Variants in MATN2 observed in about 807,000 individuals in gnomAD.
MATN2 encodes matrilin-2.
Under a neutral mutation model 103.2 loss-of-function variants are expected in MATN2, and 69 were observed. The ratio of observed to expected loss-of-function variants is 0.67; its 90% confidence interval spans 0.55 to 0.82. The LOEUF (loss-of-function observed/expected upper bound fraction) is 0.82. Among genes scored for constraint, MATN2 ranks in the 40% least tolerant of loss-of-function variants. The pLI is 0.00. For missense variants in MATN2, 1,023 were observed against 1,211.5 expected, an observed-to-expected ratio of 0.84 and a Z score of 2.31; for synonymous variants, 429 against 450.2, an observed-to-expected ratio of 0.95 and a Z score of 0.60.
intron 5 of MATN2, among the ~76,000 whole-genome samples, chr8:97,964,116 G>A (rs1222250829): frequency 6.6e-6 from 1 of 152,198 alleles, no homozygotes; most frequent in Non-Finnish European, 1.5e-5. Flanking sequence ...TGCTCTTCAA[G>A]CATTAGGGCT....
chr8:98,011,992 G>A (rs1407374607), intron 10 of MATN2, among the ~76,000 whole-genome samples: 1 of 152,204 alleles, frequency 6.6e-6, no homozygotes, highest in Admixed American at 6.5e-5. Flanking sequence ...ATAGGCCTGG[G>A]TCCTTATGTG....
At chr8:97,877,893 A>G (rs1231208514) in intron 1 of MATN2, among the ~76,000 whole-genome samples, 1 of 152,198 alleles carries the variant, frequency 6.6e-6, no homozygotes, top group Non-Finnish European at 1.5e-5. Flanking sequence ...TATGTGGGGT[A>G]AGGCCCCATG....
chr8:98,036,523 C>T lies in MATN2; in HGVS notation c.*811C>T, dbSNP rs1814254737. ...ACCCTGTAAATCTAGCAACTGCACT[C>T]AGTTGATTTCAGCCCATACATACAA... On this transcript the variant is annotated 3_prime_UTR_variant, in exon 19 of 19. Coordinates refer to ENST00000254898, the MANE Select transcript of MATN2 (RefSeq NM_002380.5). 6.6e-6 allele frequency: 1 copy of T among 152,206 alleles called. No homozygotes were observed. Among genetic ancestry groups the T allele is most frequent in the Admixed American group, 6.5e-5 (1 of 15,284 alleles). 9.4% of individuals were successfully genotyped at this position (152,206 alleles called of 1,614,324 possible). A position where few individuals can be genotyped will look rare whatever the true frequency, so the allele number is the denominator to read the frequency against.
chr8:97,984,343 G>A (rs966737441), intron 6 of MATN2, among the ~76,000 whole-genome samples: 12 of 152,112 alleles, frequency 7.9e-5, no homozygotes, highest in Admixed American at 1.3e-4. Context: ...GGCTACTTGC[G>A]TTCTTTGTGG....
chr8:97,959,977 T>A (rs1253017241), intron 4 of MATN2, among the ~76,000 whole-genome samples: 1 of 152,186 alleles, frequency 6.6e-6, no homozygotes, highest in Admixed American at 6.5e-5. Context: ...TTTGAGACAG[T>A]CTTGTTCTGT....
intron 2 of MATN2, among the ~76,000 whole-genome samples, chr8:97,928,765 A>G (rs1810079549): frequency 6.6e-6 from 1 of 152,162 alleles, no homozygotes; most frequent in African/African-American, 2.4e-5. Context: ...CAAGTGCTGG[A>G]TCCTTCATTA....
intron 6 of MATN2, among the ~76,000 whole-genome samples, chr8:97,989,386 G>A (rs561829117): frequency 7.9e-5 from 12 of 151,324 alleles, no homozygotes; most frequent in Admixed American, 2.6e-4. Flanking sequence ...GGAGAATGGC[G>A]TGAACCTGGG....
chr8:97,942,344 G>A (rs892724544), intron 4 of MATN2, among the ~76,000 whole-genome samples: 2 of 152,290 alleles, frequency 1.3e-5, no homozygotes, highest in Admixed American at 6.5e-5. Flanking sequence ...TGTTTTAGAG[G>A]GGTGCAGGGA....
intron 2 of MATN2, among the ~76,000 whole-genome samples, chr8:97,911,928 A>G (rs1809458247): frequency 6.6e-6 from 1 of 152,186 alleles, no homozygotes; most frequent in Non-Finnish European, 1.5e-5. Flanking sequence ...TTCTAAGTAC[A>G]CATATTTGCT....
intron 2 of MATN2, among the ~76,000 whole-genome samples, chr8:97,891,731 G>A (rs903377824): frequency 4.6e-5 from 7 of 152,048 alleles, no homozygotes; most frequent in Admixed American, 3.9e-4. Context: ...TAGATCTATT[G>A]GTATCTACCT....
At position 98,014,292 on chromosome 8, in the gene MATN2, AG is replaced by A. The variant is rs1189538955; in HGVS notation, c.1574-2243del. 2.7e-5 allele frequency among the ~76,000 whole-genome samples: 4 copies of A among 148,998 alleles called. No homozygotes were observed. The East Asian group carries it at 7.8e-4, about 29-fold the overall frequency. On this transcript the variant is annotated intron_variant, in intron 10 of 18. Transcript: ENST00000254898. ...AGTAGTAGTATTATAAATTCACGGT[AG>A]GGGGAAAAAAAAACACCTCACCTCC...
chr8:97,940,176 A>G (rs1227259586), intron 3 of MATN2, among the ~76,000 whole-genome samples: 2 of 152,180 alleles, frequency 1.3e-5, no homozygotes, highest in African/African-American at 4.8e-5. Flanking sequence ...GTGGTGGCTC[A>G]TGTCTGTGAT....
At chr8:97,965,818 T>TA (rs796431872) in intron 5 of MATN2, among the ~76,000 whole-genome samples, 8 of 150,736 alleles carry the variant, frequency 5.3e-5, no homozygotes, top group Admixed American at 1.3e-4. Flanking sequence ...CCATCTCTAC[T>TA]AAAAAAAAAT....
chr8:97,895,229 A>G (rs774267763), intron 2 of MATN2, among the ~76,000 whole-genome samples: 4 of 152,238 alleles, frequency 2.6e-5, no homozygotes, highest in East Asian at 3.9e-4. Context: ...ATCCCAAAAC[A>G]ATACCTTTAA....
intron 6 of MATN2, among the ~76,000 whole-genome samples, chr8:97,988,219 C>CATATATATATATATATAT (rs60086528): frequency 8.0e-6 from 1 of 124,346 alleles, no homozygotes; most frequent in African/African-American, 3.2e-5. Context: ...TACACACATA[C>CATATATATATATATATAT]ATATATATAT....
At chr8:97,907,521 A>C (rs1819219435) in intron 2 of MATN2, among the ~76,000 whole-genome samples, 1 of 142,300 alleles carries the variant, frequency 7.0e-6, no homozygotes, top group Non-Finnish European at 1.5e-5. Flanking sequence ...ATGGGGTTTC[A>C]CTGTGTTAGC....
chr8:98,000,044 C>A (rs1047021695), intron 7 of MATN2, among the ~76,000 whole-genome samples: 2 of 151,746 alleles, frequency 1.3e-5, no homozygotes, highest in African/African-American at 4.8e-5. Flanking sequence ...CCATGCCTGG[C>A]TGATTTTTGT....
Position 98,030,538 on chromosome 8 carries a change from C to A in MATN2, c.2433C>A (p.Asn811Lys). The change falls in exon 15 of 19, where the codon AAC becomes AAA. Residue 811 changes from asparagine (N) to lysine (K), a missense_variant. Asn to Lys is a moderately conservative substitution (Grantham distance 94). Coordinates refer to ENST00000254898, the MANE Select transcript of MATN2 (RefSeq NM_002380.5). ...AAGAGATTGCCTCTGAGCCCACAAA[C>A]AAGCATCTCTTCTATGCCGAAGACT... ...ELQEIASEPT[N>K]KHLFYAEDFS... 1 of 1,613,860 alleles carries A rather than the reference C, an allele frequency of 6.2e-7. No individual in the cohort carries two copies. Among genetic ancestry groups the A allele is most frequent in the Non-Finnish European group, 8.5e-7 (1 of 1,179,778 alleles).
intron 2 of MATN2, among the ~76,000 whole-genome samples, chr8:97,910,853 T>TG (rs1809397061): frequency 6.6e-6 from 1 of 152,196 alleles, no homozygotes. Flanking sequence ...TGAGGAGTAA[T>TG]GAGTTAGTGC....
Sources: gnomAD v4.1 joint callset for allele counts (sites outside exome capture counted in the v4.1 genomes callset) on GRCh38, gnomAD v4.1.1 for gene constraint, MANE v1.5 for transcripts, NCBI Gene and HGNC (gene_info 2026-07-23, HGNC 2026-07-21) for gene names.